Variants in CNGB1 observed in about 807,000 individuals in gnomAD.
CNGB1 encodes the protein cyclic nucleotide gated channel subunit beta 1.
Under a neutral mutation model 151.7 loss-of-function variants are expected in CNGB1, and 126 were observed. The observed-to-expected ratio is 0.83, with a 90% CI of 0.72 to 0.96. The LOEUF (loss-of-function observed/expected upper bound fraction) is 0.96, where lower values mean the gene tolerates loss of function less well. Ranked by LOEUF, CNGB1 falls within the 40% of genes least tolerant of loss-of-function variation. The pLI is 0.00. For synonymous variants in CNGB1, 623 were observed against 635.1 expected (o/e 0.98, Z 0.29); for missense variants, 1,698 against 1,627.0 (o/e 1.04, Z -0.75).
chr16:57,933,489 C>T (rs1424596435), intron 16 of CNGB1, among the ~76,000 whole-genome samples: 1 of 152,140 alleles, frequency 6.6e-6, no homozygotes, highest in Middle Eastern at 3.2e-3. Flanking sequence ...CTCCATCACC[C>T]ACCTCAGGGA....
At chr16:57,908,082 G>T (rs886314066) in intron 25 of CNGB1, among the ~76,000 whole-genome samples, 4 of 151,986 alleles carry the variant, frequency 2.6e-5, no homozygotes, top group Admixed American at 2.6e-4. Context: ...GTAGAGAGGG[G>T]GTCTCCCCAT....
At chr16:57,915,407 C>G in intron 22 of CNGB1, 72 bp from the exon 23 acceptor site, 2 of 1,168,344 alleles carry the variant, frequency 1.7e-6, no homozygotes, top group Non-Finnish European at 1.3e-6. Flanking sequence ...GAGTGAGAGG[C>G]GGAGTCTCTC....
chr16:57,959,717 C>A (rs1251131167), intron 10 of CNGB1, among the ~76,000 whole-genome samples, 171 bp downstream of exon 10: 3 of 152,234 alleles, frequency 2.0e-5, no homozygotes, highest in Admixed American at 1.3e-4. Context: ...AAAGCTTGGA[C>A]GTGCATAGAA....
intron 12 of CNGB1, among the ~76,000 whole-genome samples, chr16:57,953,463 C>T (rs768153753): frequency 1.9e-4 from 29 of 150,216 alleles, no homozygotes; most frequent in Non-Finnish European, 3.5e-4. Flanking sequence ...CCACTGCACT[C>T]CAGCCTGGTG....
chr16:57,966,977 ACTCG>A, intron 2 of CNGB1, 147 bp downstream of exon 2: 1 of 1,035,008 alleles, frequency 9.7e-7, no homozygotes, highest in African/African-American at 1.6e-5. Context: ...GAGTTTTCTC[ACTCG>A]AACAAGTGTG....
At chr16:57,953,016 G>GC (rs747537294) in intron 12 of CNGB1, among the ~76,000 whole-genome samples, 3 of 152,224 alleles carry the variant, frequency 2.0e-5, no homozygotes, top group South Asian at 4.1e-4. Flanking sequence ...AGCTCCAACT[G>GC]CCCCTCTCTA....
At chr16:57,887,765 T>C (rs1306283315) in intron 32 of CNGB1, 90 bp downstream of exon 32, 1 of 1,281,084 alleles carries the variant, frequency 7.8e-7, no homozygotes, top group Admixed American at 1.7e-5. Flanking sequence ...ACCCTAAAAC[T>C]AAATGTGTGG....
intron 31 of CNGB1, among the ~76,000 whole-genome samples, chr16:57,890,143 G>A (rs543043436): frequency 6.6e-6 from 1 of 152,274 alleles, no homozygotes; most frequent in Non-Finnish European, 1.5e-5. Flanking sequence ...GCAACCAGCG[G>A]GCCTAGACAA....
chr16:57,932,713 T>G (rs1283058409), intron 16 of CNGB1, among the ~76,000 whole-genome samples: 1 of 151,800 alleles, frequency 6.6e-6, no homozygotes. Flanking sequence ...CCCAATTAGC[T>G]GCGAATACAG....
intron 14 of CNGB1, among the ~76,000 whole-genome samples, chr16:57,949,131 T>G (rs1348262872): frequency 7.5e-4 from 110 of 147,108 alleles, no homozygotes; most frequent in Middle Eastern, 3.5e-3. Flanking sequence ...TTCTAGTGTG[T>G]GTGGGGGGGG....
At chr16:57,960,958 G>T in intron 7 of CNGB1, 43 bp from the exon 8 acceptor site, 1 of 1,593,346 alleles carries the variant, frequency 6.3e-7, no homozygotes, top group Non-Finnish European at 8.6e-7. Flanking sequence ...TGAGGGAACC[G>T]GCCAGCGCAC....
chr16:57,885,689 G>A (rs1456213338), intron 32 of CNGB1, among the ~76,000 whole-genome samples: 2 of 151,818 alleles, frequency 1.3e-5, no homozygotes, highest in Non-Finnish European at 2.9e-5. Flanking sequence ...TGCCTCCCAG[G>A]TTCAAGCGAT....
rs755669162 is a variant in CNGB1 at position 57,958,429 on chromosome 16, T to A, written c.818A>T (p.His273Leu). The A allele has an allele frequency of 2.5e-6, 4 of 1,586,218 alleles. No individual in the cohort carries two copies. Among genetic ancestry groups the A allele is most frequent in the Admixed American group, 1.7e-5 (1 of 58,388 alleles). Reference sequence around the variant, plus strand: ...ACTGACCTGTTCCCCTATTTTCCCATGTAGCACTGGCTGCGGCAAGGCCAT... The same window carrying A: ...ACTGACCTGTTCCCCTATTTTCCCAAGTAGCACTGGCTGCGGCAAGGCCAT... ...LEMALPQPVL[H>L]GKIGEQEPDS... The change falls in exon 11 of 33, where the codon CAT (histidine) becomes CTT (leucine). Residue 273 changes from histidine (H) to leucine (L), a missense_variant. Coordinates refer to ENST00000251102, the MANE Select transcript of CNGB1 (RefSeq NM_001297.5).
rs767239149 is a variant in CNGB1, at chr16:57,939,519, AC to A, written c.1282del (p.Val428TrpfsTer75). ...CTCCTTTTCAGCCTCCTCTTCAGCC[AC>A]CTCCTCGGCCTCCTCCTTGGCCTTC... ...EEKAKEEAEE[V>X]AEEEAEKEPQ... On this transcript the variant is annotated frameshift_variant, in exon 16 of 33. Coordinates refer to ENST00000251102, the MANE Select transcript of CNGB1 (RefSeq NM_001297.5). LOFTEE classifies it high-confidence loss of function. 1.9e-6 allele frequency: 3 copies of A among 1,613,492 alleles called. No homozygotes were observed. In the South Asian group the frequency reaches 3.3e-5, roughly 18 times the overall value.
intron 12 of CNGB1, among the ~76,000 whole-genome samples, chr16:57,951,392 C>T (rs1471862686): frequency 6.6e-6 from 1 of 152,164 alleles, no homozygotes; most frequent in African/African-American, 2.4e-5. Flanking sequence ...TGCTCTATTG[C>T]TCAGGCTGGA....
intron 13 of CNGB1, among the ~76,000 whole-genome samples, chr16:57,949,696 C>T (rs1961901486): frequency 2.0e-5 from 3 of 152,178 alleles, no homozygotes; most frequent in African/African-American, 7.2e-5. Context: ...CCTCTCTGGG[C>T]CTCAGTTTCC....
intron 26 of CNGB1, 40 bp downstream of exon 26, chr16:57,904,694 C>T (rs1437807703): frequency 1.9e-6 from 3 of 1,613,180 alleles, no homozygotes; most frequent in African/African-American, 2.7e-5. Flanking sequence ...GGGGGCCCTG[C>T]AGTCAGGTGG....
Position 57,949,427 on chromosome 16 carries a change from C to A in CNGB1, c.1047G>T (p.Arg349=), listed in dbSNP as rs1961893960. The A allele has an allele frequency of 6.2e-7, 1 of 1,613,774 alleles. No homozygotes were observed. Among genetic ancestry groups the A allele is most frequent in the South Asian group, 1.1e-5 (1 of 91,076 alleles). ...CCTCATCTTCTTTCTCCTCTTCAATCCGGGACAGCTCTCTGAGTTGGGGTT... is the reference window on the plus strand; with the variant it reads ...CCTCATCTTCTTTCTCCTCTTCAATACGGGACAGCTCTCTGAGTTGGGGTT... The part of the protein sequence containing the change: ...AVEKMPRELS[R]IEEEKEDEEE... Residue 349 remains arginine, a synonymous_variant, in exon 14 of 33, where the codon CGG becomes CGT. Coordinates refer to ENST00000251102, the MANE Select transcript of CNGB1 (RefSeq NM_001297.5).
chr16:57,920,391 C>A lies in CNGB1; in HGVS notation c.1797G>T (p.Lys599Asn). 1 of 1,614,158 alleles carries A rather than the reference C, an allele frequency of 6.2e-7. No individual in the cohort carries two copies. The highest frequency in any genetic ancestry group is 8.5e-7 in the Non-Finnish European group (1 of 1,180,032). ...PDVTSDEESP[K>N]PSPAKKAPEP... ...CCCCTCCAGCTCCAGACTCACAGGG[C>A]TTGGGGCTCTCCTCATCAGAGGTGA... Residue 599 changes from lysine to asparagine, a missense_variant, in exon 19 of 33, where the codon AAG (lysine) becomes AAT (asparagine). Lys to Asn is a moderately conservative substitution (Grantham distance 94). Transcript: ENST00000251102.
Sources: gnomAD v4.1 joint callset for allele counts (sites outside exome capture counted in the v4.1 genomes callset) on GRCh38, gnomAD v4.1.1 for gene constraint, MANE v1.5 for transcripts, NCBI Gene and HGNC (gene_info 2026-07-23, HGNC 2026-07-21) for gene names.